CMIP: variants seen among roughly 807,000 people sequenced by gnomAD.
The protein encoded by CMIP is c-Maf inducing protein, also known as C-Maf-inducing protein.
Under a neutral mutation model 97.3 loss-of-function variants are expected in CMIP, and 13 were observed. The observed-to-expected ratio is 0.13, with a 90% CI of 0.09 to 0.21. CMIP has a LOEUF of 0.21. CMIP is among the 10% of genes least tolerant of loss of function. CMIP has a pLI of 1.00. For missense variants in CMIP, 847 were observed against 1,024.9 expected, an observed-to-expected ratio of 0.83 and a Z score of 2.37; for synonymous variants, 538 against 436.3, an observed-to-expected ratio of 1.23 and a Z score of -2.91.
chr16:81,624,599 C>T (rs554069686), intron 3 of CMIP, among the ~76,000 whole-genome samples: 1 of 152,314 alleles, frequency 6.6e-6, no homozygotes, highest in South Asian at 2.1e-4. Flanking sequence ...AGCATCACCC[C>T]TAATGGGACC....
chr16:81,521,837 G>A (rs1301857028), intron 1 of CMIP, among the ~76,000 whole-genome samples: 2 of 152,176 alleles, frequency 1.3e-5, no homozygotes, highest in Non-Finnish European at 2.9e-5. Flanking sequence ...CGAGATTAGG[G>A]AAAGGAGAAA....
At chr16:81,544,499 C>G (rs13333615) in intron 1 of CMIP, among the ~76,000 whole-genome samples, 2 of 150,408 alleles carry the variant, frequency 1.3e-5, no homozygotes, top group African/African-American at 4.9e-5. Context: ...AACAGCCTGC[C>G]GCTGACCTTC....
At chr16:81,687,708 C>T (rs141667789) in intron 10 of CMIP, among the ~76,000 whole-genome samples, 113 of 152,286 alleles carry the variant, frequency 7.4e-4, no homozygotes, top group African/African-American at 2.7e-3. Context: ...GTGATACAAG[C>T]CCATCTGTAC....
chr16:81,454,406 C>G (rs1906421200), intron 1 of CMIP, among the ~76,000 whole-genome samples: 1 of 152,156 alleles, frequency 6.6e-6, no homozygotes, highest in Admixed American at 6.5e-5. Flanking sequence ...CTGGTAGATG[C>G]ACATGAAACT....
At chr16:81,644,141 T>TG (rs2092336816) in intron 3 of CMIP, among the ~76,000 whole-genome samples, 2 of 152,230 alleles carry the variant, frequency 1.3e-5, no homozygotes, top group African/African-American at 2.4e-5. Flanking sequence ...AATGAGATTT[T>TG]GGGGGTCTCA....
At chr16:81,645,335 G>A in intron 3 of CMIP, 9 of 1,379,604 alleles carry the variant, frequency 6.5e-6, no homozygotes, top group Non-Finnish European at 8.5e-6. Context: ...ACGACAGGTG[G>A]TGGGGAGCAT....
intron 1 of CMIP, among the ~76,000 whole-genome samples, chr16:81,593,901 A>C (rs2091505258): frequency 6.6e-6 from 1 of 151,768 alleles, no homozygotes; most frequent in Non-Finnish European, 1.5e-5. Flanking sequence ...AAACACCCTT[A>C]AGGCAGGTAC....
At chr16:81,503,790 G>A (rs889389837) in intron 1 of CMIP, among the ~76,000 whole-genome samples, 6 of 152,216 alleles carry the variant, frequency 3.9e-5, no homozygotes, top group African/African-American at 1.4e-4. Context: ...TTGTTCTGAG[G>A]TTGCCTGAAC....
intron 1 of CMIP, among the ~76,000 whole-genome samples, chr16:81,570,197 CT>C (rs1248296191): frequency 1.3e-5 from 2 of 152,168 alleles, no homozygotes; most frequent in African/African-American, 2.4e-5. Context: ...GAAATTTCCA[CT>C]TGTGTGGCTG....
At chr16:81,624,245 T>C (rs2092030048) in intron 3 of CMIP, among the ~76,000 whole-genome samples, 1 of 152,182 alleles carries the variant, frequency 6.6e-6, no homozygotes, top group Non-Finnish European at 1.5e-5. Context: ...AGTTTTAGGG[T>C]ACGTGTGCAC....
intron 2 of CMIP, chr16:81,610,196 CA>C (rs758902361): frequency 3.7e-4 from 155 of 420,320 alleles, no homozygotes; most frequent in Non-Finnish European, 4.7e-4. Flanking sequence ...GGCTGAAAAG[CA>C]GAGAAGCAGT....
intron 1 of CMIP, among the ~76,000 whole-genome samples, chr16:81,484,961 T>A (rs937409704): frequency 2.6e-5 from 4 of 152,112 alleles, no homozygotes; most frequent in African/African-American, 9.7e-5. Context: ...CTCTTTTTTT[T>A]TCTGTCCAAG....
chr16:81,493,516 G>A (rs1434340578), intron 1 of CMIP, among the ~76,000 whole-genome samples: 3 of 152,136 alleles, frequency 2.0e-5, no homozygotes, highest in Non-Finnish European at 4.4e-5. Context: ...TGACTCAAGG[G>A]GCTGTCCTCT....
Position 81,501,407 on chromosome 16 carries a change from G to C in CMIP, c.300+55866G>C, listed in dbSNP as rs562988913. 2.6e-5 allele frequency among the ~76,000 whole-genome samples: 4 copies of C among 152,278 alleles called. No homozygotes were observed. In the South Asian group the frequency reaches 8.3e-4, roughly 32 times the overall value. On this transcript the variant is annotated intron_variant, in intron 1 of 20. Transcript: ENST00000537098. ...CCAGGGGGAGCTCTGGCAGTGCCCT[G>C]TGCCACGCATTGTATCGGGCTCCTT... is the stretch of plus-strand genomic sequence containing the variant.
intron 1 of CMIP, among the ~76,000 whole-genome samples, chr16:81,533,678 C>T (rs757879359): frequency 3.3e-5 from 5 of 152,088 alleles, no homozygotes; most frequent in African/African-American, 9.7e-5. Context: ...AGGGTTTCAC[C>T]GTGTTGCCCA....
intron 3 of CMIP, chr16:81,651,497 C>A: frequency 2.2e-6 from 1 of 446,018 alleles, no homozygotes; most frequent in Non-Finnish European, 3.0e-6. Flanking sequence ...GGGGAGCATT[C>A]CAGGTTTAGT....
chr16:81,566,263 T>G (rs1226645942), intron 1 of CMIP, among the ~76,000 whole-genome samples: 4 of 152,222 alleles, frequency 2.6e-5, no homozygotes, highest in African/African-American at 9.6e-5. Context: ...GCCTTATTCA[T>G]GCTTCTGTGT....
chr16:81,531,482 A>G (rs2150823141), intron 1 of CMIP, among the ~76,000 whole-genome samples: 1 of 152,336 alleles, frequency 6.6e-6, no homozygotes, highest in East Asian at 1.9e-4. Flanking sequence ...CCCTCAGTCC[A>G]GTCTCGATTC....
chr16:81,500,883 C>G (rs1039428391), intron 1 of CMIP, among the ~76,000 whole-genome samples: 55 of 152,296 alleles, frequency 3.6e-4, no homozygotes, highest in African/African-American at 1.3e-3. Context: ...CCAAGCCAAG[C>G]CTTGTGCATC....
Sources: allele counts gnomAD v4.1 joint callset (sites outside exome capture counted in the v4.1 genomes callset), GRCh38; gene constraint gnomAD v4.1.1; transcripts MANE v1.5; gene names NCBI Gene and HGNC (gene_info 2026-07-23, HGNC 2026-07-21).